The following COA1 variants were observed in gnomAD, a reference collection of about 807,000 sequenced individuals.
The protein encoded by COA1 is cytochrome c oxidase assembly factor 1, also known as cytochrome c oxidase assembly factor 1 homolog.
In COA1, 13 loss-of-function variants were observed where a neutral mutation model predicts 16.0. The observed-to-expected ratio is 0.81, with a 90% CI of 0.53 to 1.29. COA1 has a LOEUF of 1.29. Among genes scored for constraint, COA1 ranks in the 50% most tolerant of loss-of-function variants. The pLI is 0.00. For missense variants in COA1, 179 were observed against 177.0 expected, an observed-to-expected ratio of 1.01 and a Z score of -0.06; for synonymous variants, 65 against 65.7, an observed-to-expected ratio of 0.99 and a Z score of 0.05.
At chr7:43,720,928 G>A (rs1388581917) in intron 1 of COA1, among the ~76,000 whole-genome samples, 5 of 152,194 alleles carry the variant, frequency 3.3e-5, no homozygotes, top group Non-Finnish European at 5.9e-5. Flanking sequence ...CAATCAGGAT[G>A]CTGGCAATTA....
At chr7:43,645,489 A>G (rs2089001732) in intron 3 of COA1, 90 bp from the exon 4 acceptor site, 2 of 1,195,280 alleles carry the variant, frequency 1.7e-6, no homozygotes, top group Non-Finnish European at 2.5e-6. Context: ...ACTGACGTAC[A>G]GGGTAGAAAC....
chr7:43,646,527 CA>C (rs1416578633), intron 3 of COA1: 1 of 456,066 alleles, frequency 2.2e-6, no homozygotes, highest in Non-Finnish European at 4.4e-6. Context: ...GAGATTCAAC[CA>C]TTCAACCCAG....
At chr7:43,614,592 T>C (rs796888796) in intron 6 of COA1, among the ~76,000 whole-genome samples, 27 of 152,334 alleles carry the variant, frequency 1.8e-4, no homozygotes, top group African/African-American at 5.3e-4. Context: ...TTTTTAAAAA[T>C]AGCCCTGTGG....
intron 1 of COA1, among the ~76,000 whole-genome samples, chr7:43,708,883 C>T (rs2095104941): frequency 6.6e-6 from 1 of 152,126 alleles, no homozygotes; most frequent in African/African-American, 2.4e-5. Flanking sequence ...CTCTCTTAAA[C>T]ATGATTTTTG....
intron 1 of COA1, chr7:43,650,009 GACAA>G (rs1472332633): frequency 1.3e-5 from 2 of 152,384 alleles, no homozygotes; most frequent in African/African-American, 2.4e-5. Context: ...TCCAGGAAAT[GACAA>G]ACAAAGGCAG....
At chr7:43,675,890 T>A (rs2093493623) in intron 1 of COA1, among the ~76,000 whole-genome samples, 2 of 152,138 alleles carry the variant, frequency 1.3e-5, no homozygotes. Flanking sequence ...CAGATGTTAA[T>A]CAATGGCTCA....
chr7:43,709,258 C>T (rs151249024), intron 1 of COA1, among the ~76,000 whole-genome samples: 375 of 152,148 alleles, frequency 2.5e-3, no homozygotes, highest in African/African-American at 8.1e-3. Context: ...AATCTCCTGA[C>T]CTCGTTATCC....
In COA1 at chr7:43,709,286, A is replaced by C. The variant is rs55969740; in HGVS notation, c.-39+20143T>G. ...CGTTATCCACCTGCCTCGGCCTCCC[A>C]AAGTGCTGGGATTACAGGTGTGAGC... On this transcript the variant is annotated intron_variant, in intron 1 of 5. Transcript: ENST00000223336. Among the ~76,000 whole-genome samples, 1,060 of 152,158 alleles carry C rather than the reference A, an allele frequency of 7.0e-3. 15 individuals carry two copies. Among genetic ancestry groups the C allele is most frequent in the African/African-American group, 0.025 (1,028 of 41,498 alleles).
chr7:43,701,754 T>A (rs562766895), intron 1 of COA1, among the ~76,000 whole-genome samples: 53 of 152,312 alleles, frequency 3.5e-4, no homozygotes, highest in African/African-American at 1.3e-3. Context: ...CCAGCATCTG[T>A]TATTGAGTTG....
chr7:43,721,301 C>T (rs1429504468), intron 1 of COA1, among the ~76,000 whole-genome samples: 1 of 152,200 alleles, frequency 6.6e-6, no homozygotes, highest in Non-Finnish European at 1.5e-5. Context: ...TCTTAATTAA[C>T]CATCTTGATT....
At chr7:43,717,908 C>A (rs114312589) in intron 1 of COA1, among the ~76,000 whole-genome samples, 4,857 of 152,280 alleles carry the variant, frequency 0.032, 213 homozygotes, top group African/African-American at 0.11. Context: ...CTCATTCTCT[C>A]TTTGCCTGCT....
chr7:43,689,509 C>T (rs149664011), intron 1 of COA1, among the ~76,000 whole-genome samples: 177 of 152,198 alleles, frequency 1.2e-3, no homozygotes, highest in African/African-American at 3.8e-3. Flanking sequence ...ACCCAGAAGT[C>T]TACGCCCAGC....
intron 6 of COA1, among the ~76,000 whole-genome samples, chr7:43,630,392 G>C (rs762098614): frequency 6.6e-6 from 1 of 152,052 alleles, no homozygotes; most frequent in Non-Finnish European, 1.5e-5. Context: ...AAGTATCTCA[G>C]TTTCAATACA....
chr7:43,637,936 C>T (rs2086174477), downstream of COA1, among the ~76,000 whole-genome samples: 1 of 152,184 alleles, frequency 6.6e-6, no homozygotes, highest in South Asian at 2.1e-4. Context: ...TGTCAGAGAA[C>T]AGACAGATAG....
chr7:43,638,566 C>CTTT (rs746584234), downstream of COA1, among the ~76,000 whole-genome samples: 160 of 97,410 alleles, frequency 1.6e-3, 1 homozygote, highest in African/African-American at 4.5e-3. Context: ...TTTTTCTTTC[C>CTTT]TTTTTTTTTT....
chr7:43,616,227 A>G (rs2083329195), intron 6 of COA1, among the ~76,000 whole-genome samples: 1 of 152,188 alleles, frequency 6.6e-6, no homozygotes, highest in Non-Finnish European at 1.5e-5. Context: ...AGCACTTTGT[A>G]TATATTGCTT....
At chr7:43,701,776 TCTGA>T (rs1324778811) in intron 1 of COA1, among the ~76,000 whole-genome samples, 1 of 152,214 alleles carries the variant, frequency 6.6e-6, no homozygotes, top group Non-Finnish European at 1.5e-5. Flanking sequence ...TAATAGCCAC[TCTGA>T]CTGGTGTGAG....
chr7:43,667,484 G>T (rs1482269491), intron 1 of COA1, among the ~76,000 whole-genome samples: 1 of 151,902 alleles, frequency 6.6e-6, no homozygotes, highest in East Asian at 1.9e-4. Context: ...CATAATTAAG[G>T]GTAAAGTTAT....
chr7:43,652,783 A>G (rs1480827974), intron 1 of COA1, among the ~76,000 whole-genome samples: 3 of 133,118 alleles, frequency 2.3e-5, no homozygotes, highest in Non-Finnish European at 4.7e-5. Flanking sequence ...GTTCTTCCCT[A>G]TTGTTGAATG....
Sources: gnomAD v4.1 joint callset for allele counts (sites outside exome capture counted in the v4.1 genomes callset) on GRCh38, gnomAD v4.1.1 for gene constraint, MANE v1.5 for transcripts, NCBI Gene and HGNC (gene_info 2026-07-23, HGNC 2026-07-21) for gene names.